The following SHANK1 variants were observed in gnomAD, a reference collection of about 807,000 sequenced individuals.
SHANK1 encodes SH3 and multiple ankyrin repeat domains 1, also known as SH3 and multiple ankyrin repeat domains protein 1.
Under a neutral mutation model 165.6 loss-of-function variants are expected in SHANK1, and 35 were observed. The ratio of observed to expected loss-of-function variants is 0.21; its 90% CI spans 0.16 to 0.28. The LOEUF (loss-of-function observed/expected upper bound fraction) is 0.28. Among genes scored for constraint, SHANK1 ranks in the 10% least tolerant of loss-of-function variants. SHANK1 has a pLI of 1.00. For missense variants in SHANK1, 2,681 were observed against 3,036.4 expected (o/e 0.88, Z 2.75); for synonymous variants, 1,428 against 1,384.8 (o/e 1.03, Z -0.69).
intron 21 of SHANK1, among the ~76,000 whole-genome samples, chr19:50,674,084 C>T (rs966295469): frequency 1.2e-4 from 17 of 144,972 alleles, no homozygotes; most frequent in Non-Finnish European, 1.4e-4. Context: ...CATGAGCCAC[C>T]GTGTTGGCCT....
Position 50,687,994 on chromosome 19 carries a change from C to T in SHANK1, c.2237G>A (p.Gly746Asp). 3.7e-6 allele frequency: 6 copies of T among 1,614,124 alleles called. No individual in the cohort carries two copies. The highest frequency in any genetic ancestry group is 5.1e-6 in the Non-Finnish European group (6 of 1,179,988). The change falls in exon 18 of 24, where the codon GGC becomes GAC. Residue 746 changes from glycine to aspartate, a missense_variant. Gly to Asp is a moderately conservative substitution (Grantham distance 94, BLOSUM62 -1). Transcript: ENST00000293441. Reference protein sequence around the residue: ...RQVVNMIRQGGNTLMVKVVMV... With the variant: ...RQVVNMIRQGDNTLMVKVVMV... ...CACCACCTTCACCATCAGCGTGTTG[C>T]CCCCTTGGCGGATCATGTTCACCAC...
rs774618888 is a variant in SHANK1, at chr19:50,688,922, C to A, written c.2094G>T (p.Ala698=). The change falls in exon 17 of 24, where the codon GCG becomes GCT. Residue 698 remains alanine, a synonymous_variant. Coordinates refer to ENST00000293441, the MANE Select transcript of SHANK1 (RefSeq NM_016148.5). This position sits in a 1 kb window ranked among gnomAD's most constrained non-coding sequence, Gnocchi z 6.7. ...CGTCCACCGACTCCAGGTACTGCAG[C>A]GCCGGGAAGGCCGGGGTGGGGGTGA... is the stretch of plus-strand genomic sequence containing the variant. The part of the protein sequence containing the change: ...EEFTPTPAFP[A]LQYLESVDEG... 1.3e-6 allele frequency: 2 copies of A among 1,568,950 alleles called. No homozygotes were observed. The highest frequency in any genetic ancestry group is 1.7e-6 in the Non-Finnish European group (2 of 1,156,666).
rs1305995567 is a variant in SHANK1 at position 50,662,623 on chromosome 19, T to C, written c.5828A>G (p.Asn1943Ser). The C allele has an allele frequency of 1.3e-6, 2 of 1,565,462 alleles. No individual in the cohort carries two copies. The highest frequency in any genetic ancestry group is 2.4e-5 in the East Asian group (1 of 42,098). The change falls in exon 24 of 24, where the codon AAC becomes AGC. Residue 1943 changes from asparagine (N) to serine (S), a missense_variant. Asn to Ser is a conservative substitution (Grantham distance 46). Transcript: ENST00000293441. The surrounding 1 kb of genome is among the most constrained non-coding windows in gnomAD (Gnocchi z 7.7). ...TGGCGGCAGAGGTGGTTTGGGCCAG[T>C]TCTGAAACAGGCTGCTGACAGGCTT... ...LSKPVSSLFQ[N>S]WPKPPLPPLP...
In SHANK1 at chr19:50,688,527, C is replaced by A. The variant is rs1257678621; in HGVS notation, c.2172+317G>T. ...CTTGCTATGTTGCCCAGGCTGGTCT[C>A]AAACTCTTGAGTTCAAGCAATCCAC... On this transcript the variant is annotated intron_variant, in intron 17 of 23. Coordinates refer to ENST00000293441, the MANE Select transcript of SHANK1 (RefSeq NM_016148.5). The surrounding 1 kb of genome is among the most constrained non-coding windows in gnomAD (Gnocchi z 6.7). Among the ~76,000 whole-genome samples the A allele has an allele frequency of 6.6e-6, 1 of 152,060 alleles. No homozygotes were observed. Among genetic ancestry groups the A allele is most frequent in the Non-Finnish European group, 1.5e-5 (1 of 68,012 alleles).
At chr19:50,700,323 AAGGGCTCGGGGCATTGGAGGATTGG>A (rs1986878619) in intron 12 of SHANK1, among the ~76,000 whole-genome samples, 2 of 49,588 alleles carry the variant, frequency 4.0e-5, no homozygotes, top group African/African-American at 8.1e-5. Flanking sequence ...TGGAGGATTG[AAGGGCTCGGGGCATTGGAGGATTGG>A]AGGGCTCGGG....
intron 6 of SHANK1, among the ~76,000 whole-genome samples, chr19:50,712,812 C>T (rs375538342): frequency 3.9e-5 from 6 of 152,356 alleles, no homozygotes; most frequent in African/African-American, 9.6e-5. Context: ...CACGTGTGGG[C>T]CCCTGAGCAC....
Position 50,688,434 on chromosome 19 carries a change from T to C in SHANK1, c.2173-376A>G, listed in dbSNP as rs1236454476. ...CCTGGGCTCAAGCAATTCTCCCACC[T>C]CAGCCTCCAGAATAGCTGGGACCTC... On this transcript the variant is annotated intron_variant, in intron 17 of 23. Transcript: ENST00000293441. This position sits in a 1 kb window ranked among gnomAD's most constrained non-coding sequence, Gnocchi z 6.7. Among the ~76,000 whole-genome samples, 1 of 151,850 alleles carries C rather than the reference T, an allele frequency of 6.6e-6. No individual in the cohort carries two copies. Among genetic ancestry groups the C allele is most frequent in the Non-Finnish European group, 1.5e-5 (1 of 67,976 alleles).
Position 50,660,862 on chromosome 19 carries a change from A to G in SHANK1, c.*1103T>C, listed in dbSNP as rs957766098. ...AAGAAGAAGAGAATGAGCATGTGTGAGAGAAACAGTTTCTGGGAGGCAAGT... is the reference window on the plus strand; with the variant it reads ...AAGAAGAAGAGAATGAGCATGTGTGGGAGAAACAGTTTCTGGGAGGCAAGT... On this transcript the variant is annotated 3_prime_UTR_variant, in exon 24 of 24. Transcript: ENST00000293441. 1.4e-5 allele frequency among the ~76,000 whole-genome samples: 2 copies of G among 147,708 alleles called. No homozygotes were observed. Among genetic ancestry groups the G allele is most frequent in the Non-Finnish European group, 3.0e-5 (2 of 67,444 alleles).
Position 50,687,961 on chromosome 19 carries a change from G to A in SHANK1, c.2270C>T (p.Thr757Ile), listed in dbSNP as rs1986412820. The stretch of plus-strand genomic sequence containing the variant: ...TGCCTCATCCATGTCCGGGTGCCTG[G>A]TGACCATCACCACCTTCACCATCAG... ...NTLMVKVVMV[T>I]RHPDMDEAVH... Residue 757 changes from threonine to isoleucine, a missense_variant, in exon 18 of 24, where the codon ACC becomes ATC. Thr to Ile is a moderately conservative substitution (Grantham distance 89). Transcript: ENST00000293441. 1.2e-6 allele frequency: 2 copies of A among 1,614,102 alleles called. No homozygotes were observed. The highest frequency in any genetic ancestry group is 1.7e-6 in the Non-Finnish European group (2 of 1,179,976).
Position 50,711,370 on chromosome 19 carries a change from C to T in SHANK1, c.1077+1G>A, listed in dbSNP as rs1294022981. On this transcript the variant is annotated splice_donor_variant, in intron 8 of 23. Transcript: ENST00000293441. LOFTEE classifies it high-confidence loss of function. ...CCTGGGGTGGCCGCTGCTAGGCAGA[C>T]CTTGTTGTAGAGGGCGCAGATGTGC... The T allele has an allele frequency of 6.4e-7, 1 of 1,553,216 alleles. No homozygotes were observed. Among genetic ancestry groups the T allele is most frequent in the Non-Finnish European group, 8.7e-7 (1 of 1,147,656 alleles).
In SHANK1 at chr19:50,662,861, G is replaced by A. The variant is rs542792495; in HGVS notation, c.5769-179C>T. Among the ~76,000 whole-genome samples, 5 of 152,050 alleles carry A rather than the reference G, an allele frequency of 3.3e-5. No individual in the cohort carries two copies. Among genetic ancestry groups the A allele is most frequent in the East Asian group, 3.9e-4 (2 of 5,176 alleles). On this transcript the variant is annotated intron_variant, in intron 23 of 23. Transcript: ENST00000293441. This position sits in a 1 kb window ranked among gnomAD's most constrained non-coding sequence, Gnocchi z 7.7. Reference sequence around the variant, plus strand: ...GCAAGGGGTAAGACGGCCGGCCGTCGAGGAAAGAAATGAAGGGAGAGAAAG... The same window carrying A: ...GCAAGGGGTAAGACGGCCGGCCGTCAAGGAAAGAAATGAAGGGAGAGAAAG...
rs1985218975 is a variant in SHANK1, at chr19:50,661,495, C to G, written c.*470G>C. The stretch of plus-strand genomic sequence containing the variant: ...AGGCTGAGGGGGGCAGCTGTGTGTG[C>G]TGGGGAGAGGGGAAGGGGGGAGAGC... On this transcript the variant is annotated 3_prime_UTR_variant, in exon 24 of 24. Transcript: ENST00000293441. Among the ~76,000 whole-genome samples, 1 of 114,108 alleles carries G rather than the reference C, an allele frequency of 8.8e-6. No individual in the cohort carries two copies. The highest frequency in any genetic ancestry group is 3.5e-5 in the African/African-American group (1 of 28,762). 74.9% of individuals were successfully genotyped at this position (114,108 alleles called of 152,430 possible). A position where few individuals can be genotyped will look rare whatever the true frequency, so the allele number is the denominator to read the frequency against.
In SHANK1 at chr19:50,686,597, A is replaced by G; in HGVS notation, c.2458+147T>C. 2 of 702,336 alleles carry G rather than the reference A, an allele frequency of 2.8e-6. No individual in the cohort carries two copies. Among genetic ancestry groups the G allele is most frequent in the Non-Finnish European group, 4.6e-6 (2 of 435,340 alleles). The allele number at this position is 702,336 out of a possible 1,614,324, so 43.5% of individuals were successfully genotyped here. ...CAGGGAACGGGGCAGCCGTCGGGAG[A>G]GGGCGGGCGGAGGGAGGGGAGGTGG... On this transcript the variant is annotated intron_variant, in intron 20 of 23. Transcript: ENST00000293441. The surrounding 1 kb of genome is among the most constrained non-coding windows in gnomAD (Gnocchi z 5.7).
Position 50,690,264 on chromosome 19 carries a change from A to G in SHANK1, c.1965-985T>C, listed in dbSNP as rs1421400825. ...CAAATGCCACCAGCACATTTAGGTAAGGCTCACGTACCCAGGAAATGTCAA... is the reference window on the plus strand; with the variant it reads ...CAAATGCCACCAGCACATTTAGGTAGGGCTCACGTACCCAGGAAATGTCAA... On this transcript the variant is annotated intron_variant, in intron 15 of 23. Transcript: ENST00000293441. The surrounding 1 kb of genome is among the most constrained non-coding windows in gnomAD (Gnocchi z 4.9). 1.3e-5 allele frequency among the ~76,000 whole-genome samples: 2 copies of G among 152,098 alleles called. No homozygotes were observed. The highest frequency in any genetic ancestry group is 1.9e-4 in the East Asian group (1 of 5,196).
chr19:50,662,906 G>A lies in SHANK1; in HGVS notation c.5769-224C>T, dbSNP rs1985326154. ...AGAAAGATGAGAGGACAGGGAGAGG[G>A]CGACAGTTAAGAGAGATGAAAGAAA... On this transcript the variant is annotated intron_variant, in intron 23 of 23. Transcript: ENST00000293441. The surrounding 1 kb of genome is among the most constrained non-coding windows in gnomAD (Gnocchi z 7.7). Among the ~76,000 whole-genome samples, 1 of 151,518 alleles carries A rather than the reference G, an allele frequency of 6.6e-6. No individual in the cohort carries two copies. Among genetic ancestry groups the A allele is most frequent in the Admixed American group, 6.6e-5 (1 of 15,206 alleles).
intron 21 of SHANK1, 39 bp from the exon 22 acceptor site, chr19:50,672,153 TAGAG>T (rs749308121): frequency 1.8e-5 from 27 of 1,506,522 alleles, no homozygotes; most frequent in East Asian, 1.1e-4. Flanking sequence ...AGAGAAAAGA[TAGAG>T]AGAGATCAGT....
intron 4 of SHANK1, 132 bp downstream of exon 4, chr19:50,715,527 C>A: frequency 1.3e-6 from 1 of 771,310 alleles, no homozygotes; most frequent in Non-Finnish European, 2.3e-6. Flanking sequence ...TAAGCGGGGG[C>A]AGTGGCCAGA....
rs186537978 is a variant in SHANK1, at chr19:50,702,900, G to C, written c.1554-240C>G. Among the ~76,000 whole-genome samples, 1 of 151,672 alleles carries C rather than the reference G, an allele frequency of 6.6e-6. No homozygotes were observed. Among genetic ancestry groups the C allele is most frequent in the South Asian group, 2.1e-4 (1 of 4,808 alleles). ...GCTCTGCCCCCTCCCACGGTCCTGC[G>C]CGCACCGCCTGATTCAGCTTCCTGA... On this transcript the variant is annotated intron_variant, in intron 11 of 23. Transcript: ENST00000293441. This position sits in a 1 kb window ranked among gnomAD's most constrained non-coding sequence, Gnocchi z 5.3.
In SHANK1 at chr19:50,666,760, C is replaced by A; in HGVS notation, c.5200G>T (p.Gly1734Cys). 1.3e-6 allele frequency: 2 copies of A among 1,557,032 alleles called. No individual in the cohort carries two copies. Among genetic ancestry groups the A allele is most frequent in the East Asian group, 2.4e-5 (1 of 41,882 alleles). Residue 1734 changes from glycine (G) to cysteine (C), a missense_variant, in exon 23 of 24, where the codon GGC becomes TGC. Coordinates refer to ENST00000293441, the MANE Select transcript of SHANK1 (RefSeq NM_016148.5). ...GTACTGCTGCCCCCAAAGGCCTGGC[C>A]GTCCAGGTAGGCCACATAGGTGTCC... The part of the protein sequence containing the change: ...LLDTYVAYLD[G>C]QAFGGSSTPG...
Sources: gnomAD v4.1 joint callset for allele counts (sites outside exome capture counted in the v4.1 genomes callset) on GRCh38, gnomAD v4.1.1 for gene constraint, Gnocchi (gnomAD v3.1) non-coding constraint, MANE v1.5 for transcripts, NCBI Gene and HGNC (gene_info 2026-07-23, HGNC 2026-07-21) for gene names.